ST18: variants seen among roughly 807,000 people sequenced by gnomAD.
ST18 encodes the protein suppression of tumorigenicity 18 protein.
Under a neutral mutation model 110.0 loss-of-function variants are expected in ST18, and 50 were observed. That is an observed-to-expected ratio of 0.45 (90% CI 0.36 to 0.58). The LOEUF is 0.58. Ranked by LOEUF, ST18 falls within the 20% of genes least tolerant of loss-of-function variation. The pLI, the probability that ST18 is intolerant of heterozygous loss-of-function variation, is 0.00. For synonymous variants in ST18, 461 were observed against 452.4 expected (o/e 1.02, Z -0.24); for missense variants, 1,306 against 1,280.1 (o/e 1.02, Z -0.31).
chr8:52,236,611 C>CAA (rs754799390), intron 2 of ST18, among the ~76,000 whole-genome samples: 4,032 of 88,804 alleles, frequency 0.045, 99 homozygotes, highest in Admixed American at 0.11. Flanking sequence ...AATTCCACCT[C>CAA]AAAAAAAAAA....
rs75152768 is a variant in ST18 at position 52,377,031 on chromosome 8, A to G, written c.-465+32297T>C. Among the ~76,000 whole-genome samples, 270 of 152,286 alleles carry G rather than the reference A, an allele frequency of 1.8e-3. 3 individuals carry two copies. In the East Asian group the frequency reaches 0.041, roughly 23 times the overall value. On this transcript the variant is annotated intron_variant, in intron 2 of 25. Coordinates refer to ENST00000689386, the MANE Select transcript of ST18 (RefSeq NM_001352837.2). ...CACTGATGCCCTCTTATGACAATAC[A>G]TGTACTTAAGAAGGATGCCACATAC...
At chr8:52,276,389 A>G (rs1428362248) in intron 2 of ST18, among the ~76,000 whole-genome samples, 1 of 144,320 alleles carries the variant, frequency 6.9e-6, no homozygotes, top group African/African-American at 2.6e-5. Flanking sequence ...CACATACACC[A>G]TACGTTCACA....
chr8:52,126,866 T>C (rs899095913), intron 22 of ST18, among the ~76,000 whole-genome samples: 1 of 152,230 alleles, frequency 6.6e-6, no homozygotes, highest in Non-Finnish European at 1.5e-5. Context: ...TTTCCCTTAA[T>C]GTCATCTGTT....
intron 2 of ST18, among the ~76,000 whole-genome samples, chr8:52,256,186 G>A (rs1164200677): frequency 1.2e-4 from 19 of 152,226 alleles, no homozygotes. Flanking sequence ...GGGAGGGACT[G>A]TATGCACGCA....
At chr8:52,119,802 T>C (rs1389174119) in intron 23 of ST18, among the ~76,000 whole-genome samples, 1 of 152,204 alleles carries the variant, frequency 6.6e-6, no homozygotes, top group Non-Finnish European at 1.5e-5. Context: ...CAGATGGCTA[T>C]TCTGTGGGTA....
intron 2 of ST18, among the ~76,000 whole-genome samples, chr8:52,357,723 A>ATATATATTTATT (rs1823729078): frequency 1.3e-5 from 1 of 78,078 alleles, no homozygotes; most frequent in African/African-American, 9.5e-5. Context: ...ATATATATAT[A>ATATATATTTATT]TATATATAAA....
intron 22 of ST18, among the ~76,000 whole-genome samples, chr8:52,127,433 G>C (rs1274616192): frequency 6.6e-6 from 1 of 152,098 alleles, no homozygotes. Flanking sequence ...TCTGTTTTAT[G>C]GGAAGTTTGC....
At chr8:52,274,816 A>G (rs1218001850) in intron 2 of ST18, among the ~76,000 whole-genome samples, 1 of 152,206 alleles carries the variant, frequency 6.6e-6, no homozygotes, top group African/African-American at 2.4e-5. Context: ...TTAATTTCAT[A>G]GTTTAATAAT....
intron 9 of ST18, among the ~76,000 whole-genome samples, chr8:52,174,986 G>A (rs1180236996): frequency 6.6e-6 from 1 of 151,716 alleles, no homozygotes; most frequent in Non-Finnish European, 1.5e-5. Context: ...TTCTCTGGGG[G>A]CCTGGTGGTT....
chr8:52,115,405 T>A (rs1269290744), intron 25 of ST18, among the ~76,000 whole-genome samples: 5 of 152,242 alleles, frequency 3.3e-5, no homozygotes, highest in Non-Finnish European at 7.3e-5. Flanking sequence ...ATGCAATGCA[T>A]AACAACATCT....
At chr8:52,296,347 T>C (rs2095637441) in intron 2 of ST18, 1 of 152,228 alleles carries the variant, frequency 6.6e-6, no homozygotes, top group Non-Finnish European at 1.5e-5. Flanking sequence ...GGGAAGCTGG[T>C]TCTTTGGCCC....
intron 16 of ST18, among the ~76,000 whole-genome samples, chr8:52,144,053 C>T (rs2056317192): frequency 6.6e-6 from 1 of 152,116 alleles, no homozygotes; most frequent in Admixed American, 6.5e-5. Context: ...TCATGCCCTT[C>T]TCTTAAGTTT....
intron 17 of ST18, 107 bp downstream of exon 17, chr8:52,142,823 A>G: frequency 1.3e-6 from 1 of 795,980 alleles, no homozygotes; most frequent in Non-Finnish European, 2.1e-6. Flanking sequence ...TGACTGGTAG[A>G]AATCACCCTA....
intron 2 of ST18, among the ~76,000 whole-genome samples, chr8:52,336,673 C>T (rs1012636060): frequency 6.6e-5 from 10 of 152,258 alleles, no homozygotes; most frequent in Admixed American, 3.3e-4. Flanking sequence ...AGATGGGAAG[C>T]GGGTAGACCT....
Position 52,164,022 on chromosome 8 carries a change from G to A in ST18, c.1364C>T (p.Ser455Phe), listed in dbSNP as rs766226164. Reference sequence around the variant, plus strand: ...GTCAGGACACTGCCCAGTTTGGGGAGAATCAAGCTGATTTTTATCCTGGGA... The same window carrying A: ...GTCAGGACACTGCCCAGTTTGGGGAAAATCAAGCTGATTTTTATCCTGGGA... ...AMSQDKNQLD[S>F]PQTGQCPDQA... The change falls in exon 13 of 26, where the codon TCT becomes TTT. Residue 455 changes from serine (S) to phenylalanine (F), a missense_variant. Transcript: ENST00000689386. The A allele has an allele frequency of 5.0e-6, 8 of 1,614,124 alleles. No homozygotes were observed. Among genetic ancestry groups the A allele is most frequent in the Non-Finnish European group, 5.9e-6 (7 of 1,180,002 alleles).
chr8:52,215,974 G>A (rs1588660737), intron 6 of ST18, among the ~76,000 whole-genome samples: 1 of 152,202 alleles, frequency 6.6e-6, no homozygotes, highest in South Asian at 2.1e-4. Context: ...TATTTCTGAG[G>A]AAGCCACTTC....
intron 3 of ST18, among the ~76,000 whole-genome samples, chr8:52,224,874 G>A (rs1357526085): frequency 7.9e-5 from 12 of 152,166 alleles, no homozygotes; most frequent in African/African-American, 2.9e-4. Flanking sequence ...AATTTCCATG[G>A]ACGAATTTAA....
intron 2 of ST18, among the ~76,000 whole-genome samples, chr8:52,317,058 C>A (rs573766910): frequency 1.3e-5 from 2 of 152,184 alleles, no homozygotes. Context: ...ATTAATCTCA[C>A]GTAGCGAGCT....
chr8:52,176,546 G>A (rs2067030589), intron 9 of ST18, among the ~76,000 whole-genome samples: 2 of 152,168 alleles, frequency 1.3e-5, no homozygotes, highest in South Asian at 4.2e-4. Flanking sequence ...TCTCCATCCG[G>A]AGCACATTCA....
Sources: allele counts gnomAD v4.1 joint callset (sites outside exome capture counted in the v4.1 genomes callset), GRCh38; gene constraint gnomAD v4.1.1; transcripts MANE v1.5; gene names NCBI Gene and HGNC (gene_info 2026-07-23, HGNC 2026-07-21).